Variants in THSD4 observed in about 807,000 individuals in gnomAD.
THSD4 encodes thrombospondin type 1 domain containing 4.
In THSD4, 69 loss-of-function variants were observed where a neutral mutation model predicts 119.0. The observed-to-expected ratio is 0.58, with a 90% confidence interval of 0.48 to 0.71. THSD4 has a LOEUF of 0.71. Ranked by LOEUF, THSD4 falls within the 30% of genes least tolerant of loss-of-function variation. The probability of loss-of-function intolerance (pLI) is 0.00; values close to 1 mark genes in which losing one functional copy is unlikely to be tolerated. For missense variants in THSD4, 1,393 were observed against 1,391.1 expected (o/e 1.00, Z -0.02); for synonymous variants, 524 against 540.4 (o/e 0.97, Z 0.42).
At chr15:71,589,411 A>G (rs1054658583) in intron 7 of THSD4, among the ~76,000 whole-genome samples, 1 of 138,254 alleles carries the variant, frequency 7.2e-6, no homozygotes, top group African/African-American at 2.5e-5. Context: ...GCTGGAGTGC[A>G]GGAGCACAAT....
intron 2 of THSD4, among the ~76,000 whole-genome samples, chr15:71,144,775 G>A (rs1268564071): frequency 6.6e-6 from 1 of 152,116 alleles, no homozygotes; most frequent in African/African-American, 2.4e-5. Flanking sequence ...AAACCTAGTA[G>A]CAGAGGAGGC....
chr15:71,238,355 A>G (rs115702745), intron 4 of THSD4, among the ~76,000 whole-genome samples: 3,276 of 152,312 alleles, frequency 0.022, 138 homozygotes, highest in African/African-American at 0.075. Flanking sequence ...TAAAAATACT[A>G]TGTAACTCAA....
chr15:71,399,413 A>G (rs1401037196), intron 6 of THSD4, among the ~76,000 whole-genome samples: 1 of 152,198 alleles, frequency 6.6e-6, no homozygotes, highest in African/African-American at 2.4e-5. Context: ...AAGGGAAGAG[A>G]AGTTCCTGTC....
At chr15:71,370,267 A>G (rs1462271796) in intron 6 of THSD4, among the ~76,000 whole-genome samples, 5 of 152,014 alleles carry the variant, frequency 3.3e-5, no homozygotes, top group East Asian at 3.9e-4. Context: ...AGGGTTTTTT[A>G]TGTCTCTATC....
rs761109603 is a variant in THSD4 at position 71,757,915 on chromosome 15, G to A, written c.2429G>A (p.Cys810Tyr). Residue 810 changes from cysteine to tyrosine, a missense_variant, in exon 15 of 18, where the codon TGT becomes TAT. Cys to Tyr is a radical substitution (Grantham distance 194). Transcript: ENST00000261862. ...TEWSERCSAE[C>Y]GAGVRTRSVV... ...CCTGTCTCACAGTGCTCAGCGGAGT[G>A]TGGGGCCGGAGTGCGGACACGCTCG... 2 of 1,613,682 alleles carry A rather than the reference G, an allele frequency of 1.2e-6. No individual in the cohort carries two copies. The highest frequency in any genetic ancestry group is 1.7e-6 in the Non-Finnish European group (2 of 1,179,998).
At chr15:71,672,146 C>T (rs1198740831) in intron 8 of THSD4, among the ~76,000 whole-genome samples, 9 of 152,074 alleles carry the variant, frequency 5.9e-5, no homozygotes, top group Non-Finnish European at 2.9e-5. Flanking sequence ...TTGTTTGTGT[C>T]TTCTTTTATT....
At chr15:71,716,176 C>A (rs1391867478) in intron 8 of THSD4, among the ~76,000 whole-genome samples, 1 of 152,148 alleles carries the variant, frequency 6.6e-6, no homozygotes, top group Non-Finnish European at 1.5e-5. Flanking sequence ...CAGTTCCAGC[C>A]TTTGTTTTCA....
chr15:71,193,822 C>T (rs2043695433), intron 3 of THSD4, among the ~76,000 whole-genome samples: 1 of 152,192 alleles, frequency 6.6e-6, no homozygotes, highest in Admixed American at 6.5e-5. Context: ...ATTCTCCTGC[C>T]TCAGCCTCCC....
intron 6 of THSD4, chr15:71,341,372 A>T (rs534803571): frequency 6.2e-7 from 1 of 1,611,310 alleles, no homozygotes; most frequent in Admixed American, 1.7e-5. Flanking sequence ...GATATGCTCA[A>T]TGACCAGAGA....
At chr15:71,653,095 C>T (rs960418060) in intron 7 of THSD4, among the ~76,000 whole-genome samples, 1 of 152,160 alleles carries the variant, frequency 6.6e-6, no homozygotes, top group East Asian at 1.9e-4. Flanking sequence ...ATTCTTCAAC[C>T]AGCTGCTCTT....
At chr15:71,342,612 A>G (rs35718929) in intron 6 of THSD4, 14,224 of 152,314 alleles carry the variant, frequency 0.093, 864 homozygotes, top group Non-Finnish European at 0.14. Context: ...GTGGCTGCAC[A>G]GTGGCCCTTG....
intron 4 of THSD4, among the ~76,000 whole-genome samples, chr15:71,232,117 C>A (rs1416710629): frequency 1.3e-5 from 2 of 152,232 alleles, no homozygotes; most frequent in African/African-American, 4.8e-5. Context: ...CTGCTGCTCC[C>A]TCCCATTTTT....
intron 6 of THSD4, among the ~76,000 whole-genome samples, chr15:71,356,829 C>G (rs1489966905): frequency 6.6e-6 from 1 of 152,130 alleles, no homozygotes; most frequent in East Asian, 1.9e-4. Flanking sequence ...CGACTTTCTT[C>G]ACACTCACAG....
At chr15:71,727,737 T>A in intron 8 of THSD4, among the ~76,000 whole-genome samples, 1 of 115,456 alleles carries the variant, frequency 8.7e-6, no homozygotes, top group Non-Finnish European at 1.7e-5. Flanking sequence ...ACCACTGCAC[T>A]CCAGCCTGGG....
intron 3 of THSD4, among the ~76,000 whole-genome samples, chr15:71,197,647 C>T (rs553310117): frequency 2.2e-4 from 33 of 152,284 alleles, no homozygotes; most frequent in African/African-American, 7.7e-4. Flanking sequence ...GCAGAGTGAG[C>T]TCCGCTGGCT....
At chr15:71,660,343 C>T in intron 7 of THSD4, 187 bp from the exon 8 acceptor site, 2 of 639,454 alleles carry the variant, frequency 3.1e-6, no homozygotes, top group Non-Finnish European at 5.4e-6. Flanking sequence ...TGATCATTTA[C>T]CACCACCAAA....
intron 6 of THSD4, among the ~76,000 whole-genome samples, chr15:71,282,957 G>A (rs2044671047): frequency 1.3e-5 from 2 of 151,680 alleles, no homozygotes; most frequent in South Asian, 2.1e-4. Flanking sequence ...TGTGAGGTGG[G>A]CAGGTTAGAT....
chr15:71,724,287 A>ATATATATATATTTT lies in THSD4; in HGVS notation c.1358-4261_1358-4260insATATATATATTTTT. Among the ~76,000 whole-genome samples the ATATATATATATTTT allele has an allele frequency of 6.4e-3, 238 of 37,234 alleles. 8 individuals carry two copies. Among genetic ancestry groups the ATATATATATATTTT allele is most frequent in the South Asian group, 0.012 (6 of 490 alleles). 24.4% of individuals were successfully genotyped at this position (37,234 alleles called of 152,430 possible). On this transcript the variant is annotated intron_variant, in intron 8 of 17. Transcript: ENST00000261862. Reference sequence around the variant, plus strand: ...ATGGGATATATATATATATATATATATTTTTTTTTTCCCCCCAAGATGGAA... The same window carrying ATATATATATATTTT: ...ATGGGATATATATATATATATATATATATATATATATTTTTTTTTTTTTTCCCCCCAAGATGGAA...
intron 4 of THSD4, among the ~76,000 whole-genome samples, chr15:71,241,291 GACTT>G (rs1019696270): frequency 8.5e-5 from 13 of 152,278 alleles, no homozygotes; most frequent in African/African-American, 3.1e-4. Flanking sequence ...AGAGTTAGTT[GACTT>G]ACTTAAGTCC....
Sources: allele counts gnomAD v4.1 joint callset (sites outside exome capture counted in the v4.1 genomes callset), GRCh38; gene constraint gnomAD v4.1.1; transcripts MANE v1.5; gene names NCBI Gene and HGNC (gene_info 2026-07-23, HGNC 2026-07-21).